The following ATP6V1D variants were observed in gnomAD, a reference collection of about 807,000 sequenced individuals.
ATP6V1D encodes the protein V-type proton ATPase subunit D.
In ATP6V1D, 20 loss-of-function variants were observed where a neutral mutation model predicts 39.4. The observed-to-expected ratio is 0.51, with a 90% CI of 0.36 to 0.74. ATP6V1D has a LOEUF of 0.74. Ranked by LOEUF, ATP6V1D falls within the 30% of genes least tolerant of loss-of-function variation. The probability of loss-of-function intolerance (pLI) is 0.00; values close to 1 mark genes in which losing one functional copy is unlikely to be tolerated. For synonymous variants in ATP6V1D, 100 were observed against 100.5 expected (o/e 0.99, Z 0.03); for missense variants, 228 against 291.6 (o/e 0.78, Z 1.59).
Position 67,342,221 on chromosome 14 carries a change from AAT to A in ATP6V1D, c.523+1149_523+1150del, listed in dbSNP as rs1348205503. Among the ~76,000 whole-genome samples the A allele has an allele frequency of 8.2e-3, 1,230 of 149,492 alleles. 31 individuals are homozygous for A. Among genetic ancestry groups the A allele is most frequent in the East Asian group, 0.054 (278 of 5,130 alleles). The stretch of plus-strand genomic sequence containing the variant: ...ATAAATAAATAAATAAATAAAATAA[AAT>A]AAAAAAAAACACAAAGAAAAAAAGT... On this transcript the variant is annotated intron_variant, in intron 7 of 8. Coordinates refer to ENST00000216442, the MANE Select transcript of ATP6V1D (RefSeq NM_015994.4).
At chr14:67,341,367 C>G (rs534563186) in intron 7 of ATP6V1D, among the ~76,000 whole-genome samples, 1 of 152,024 alleles carries the variant, frequency 6.6e-6, no homozygotes, top group African/African-American at 2.4e-5. Flanking sequence ...GCAGCCGCCC[C>G]ATCTGAGAAG....
chr14:67,343,003 T>A (rs1290433360), intron 7 of ATP6V1D, among the ~76,000 whole-genome samples: 1 of 152,222 alleles, frequency 6.6e-6, no homozygotes, highest in African/African-American at 2.4e-5. Context: ...AAGTTAAATA[T>A]TTAATGTACT....
rs532647958 is a variant in ATP6V1D at position 67,341,121 on chromosome 14, C to T, written c.524-603G>A. On this transcript the variant is annotated intron_variant, in intron 7 of 8. Transcript: ENST00000216442. The stretch of plus-strand genomic sequence containing the variant: ...CCGGTCTGGGAAGTGAGGAGCCTCT[C>T]TGCCTGGCCGCCCATCGTCTGGGAT... Among the ~76,000 whole-genome samples, 337 of 152,322 alleles carry T rather than the reference C, an allele frequency of 2.2e-3. 1 individual carries two copies. The highest frequency in any genetic ancestry group is 4.0e-3 in the Non-Finnish European group (272 of 68,022).
intron 3 of ATP6V1D, among the ~76,000 whole-genome samples, chr14:67,350,140 A>C (rs1447276031): frequency 3.9e-5 from 6 of 152,218 alleles, no homozygotes; most frequent in Admixed American, 2.0e-4. Flanking sequence ...TACTGATGTC[A>C]CCAAAGCCAT....
chr14:67,345,327 C>T (rs149625585), intron 6 of ATP6V1D, among the ~76,000 whole-genome samples: 230 of 152,082 alleles, frequency 1.5e-3, no homozygotes, highest in Non-Finnish European at 2.1e-3. Context: ...GAGGCCGAGG[C>T]GGGTGGATCA....
At chr14:67,349,469 C>T (rs1661006068) in intron 3 of ATP6V1D, among the ~76,000 whole-genome samples, 1 of 152,198 alleles carries the variant, frequency 6.6e-6, no homozygotes, top group African/African-American at 2.4e-5. Flanking sequence ...ATTGGTTAAG[C>T]TGGCGTTCAA....
chr14:67,340,826 G>A (rs889515991), intron 7 of ATP6V1D, among the ~76,000 whole-genome samples: 23 of 152,172 alleles, frequency 1.5e-4, no homozygotes, highest in African/African-American at 4.1e-4. Flanking sequence ...GGCGCGTGCC[G>A]CCACGCCTGA....
chr14:67,339,440 A>G (rs2085563483), intron 8 of ATP6V1D, among the ~76,000 whole-genome samples: 1 of 152,196 alleles, frequency 6.6e-6, no homozygotes, highest in African/African-American at 2.4e-5. Context: ...AATTAAGATT[A>G]TAGACCATAG....
intron 1 of ATP6V1D, chr14:67,353,877 C>T (rs1770739240): frequency 6.6e-6 from 1 of 152,098 alleles, no homozygotes; most frequent in Non-Finnish European, 1.5e-5. Flanking sequence ...CAGCCTCTAA[C>T]TCCTGGTCTC....
chr14:67,343,459 T>C, intron 6 of ATP6V1D, 21 bp from the exon 7 acceptor site: 1 of 1,514,822 alleles, frequency 6.6e-7, no homozygotes, highest in Non-Finnish European at 9.2e-7. Context: ...AACAAATTAA[T>C]AATGTAAGCA....
intron 1 of ATP6V1D, 82 bp downstream of exon 1, chr14:67,359,576 C>G: frequency 6.7e-7 from 1 of 1,497,000 alleles, no homozygotes; most frequent in African/African-American, 1.4e-5. Flanking sequence ...AACAAGGACC[C>G]TCACTGTGGC....
At chr14:67,339,828 G>A (rs1178274848) in intron 8 of ATP6V1D, among the ~76,000 whole-genome samples, 1 of 152,104 alleles carries the variant, frequency 6.6e-6, no homozygotes, top group African/African-American at 2.4e-5. Context: ...GCCAGGCACG[G>A]TGGCTCATGC....
At chr14:67,353,411 G>GTT (rs997947938) in intron 1 of ATP6V1D, among the ~76,000 whole-genome samples, 2 of 152,152 alleles carry the variant, frequency 1.3e-5, no homozygotes, top group Admixed American at 1.3e-4. Flanking sequence ...AGCTACAGGT[G>GTT]TAAGTGGGAG....
At chr14:67,344,024 A>G (rs1450766669) in intron 6 of ATP6V1D, among the ~76,000 whole-genome samples, 1 of 152,178 alleles carries the variant, frequency 6.6e-6, no homozygotes, top group Non-Finnish European at 1.5e-5. Flanking sequence ...TGAGTAAGGA[A>G]ATCTTAAGTT....
chr14:67,353,635 A>T (rs8014871), intron 1 of ATP6V1D: 1 of 151,986 alleles, frequency 6.6e-6, no homozygotes, highest in Non-Finnish European at 1.5e-5. Flanking sequence ...CTACAGGCGT[A>T]TGCCACCAAG....
intron 2 of ATP6V1D, 164 bp downstream of exon 2, chr14:67,352,759 T>C: frequency 1.8e-6 from 1 of 562,688 alleles, no homozygotes; most frequent in Non-Finnish European, 3.1e-6. Context: ...GTTTGGATTT[T>C]ATTAAATGAA....
chr14:67,346,436 C>T (rs763263326), intron 5 of ATP6V1D, among the ~76,000 whole-genome samples: 38 of 152,174 alleles, frequency 2.5e-4, no homozygotes, highest in African/African-American at 8.9e-4. Flanking sequence ...CTCGGCCTCC[C>T]GAGTAGCTGG....
At chr14:67,339,001 T>C (rs547474198) in intron 8 of ATP6V1D, among the ~76,000 whole-genome samples, 1 of 150,252 alleles carries the variant, frequency 6.7e-6, no homozygotes, top group East Asian at 1.9e-4. Flanking sequence ...CCTTTTTTTT[T>C]TTTTTTTTTT....
At chr14:67,343,578 T>A in intron 6 of ATP6V1D, 140 bp from the exon 7 acceptor site, 2 of 633,328 alleles carry the variant, frequency 3.2e-6, no homozygotes, top group Non-Finnish European at 5.5e-6. Context: ...AAAAACAAAA[T>A]TCTTAGGCTG....
Sources: allele counts gnomAD v4.1 joint callset (sites outside exome capture counted in the v4.1 genomes callset), GRCh38; gene constraint gnomAD v4.1.1; transcripts MANE v1.5; gene names NCBI Gene and HGNC (gene_info 2026-07-23, HGNC 2026-07-21).